The following ZNF567 variants were observed in gnomAD, a reference collection of about 807,000 sequenced individuals.
ZNF567 encodes the protein zinc finger protein 567.
Under a neutral mutation model 53.9 loss-of-function variants are expected in ZNF567, and 36 were observed. The ratio of observed to expected loss-of-function variants is 0.67; its 90% CI spans 0.51 to 0.88. ZNF567 has a LOEUF of 0.88. Among genes scored for constraint, ZNF567 ranks in the 40% least tolerant of loss-of-function variants. The pLI is 0.00. For missense variants in ZNF567, 619 were observed against 764.7 expected (o/e 0.81, Z 2.25); for synonymous variants, 224 against 260.4 (o/e 0.86, Z 1.35).
intron 3 of ZNF567, 23 bp from the exon 4 acceptor site, chr19:36,712,363 G>T: frequency 6.2e-7 from 1 of 1,609,190 alleles, no homozygotes; most frequent in South Asian, 1.1e-5. Flanking sequence ...CACCTGTTCT[G>T]ATTACAGTTC....
intron 5 of ZNF567, among the ~76,000 whole-genome samples, chr19:36,715,506 AATAATTATTATTATTATT>A (rs60780261): frequency 3.5e-3 from 92 of 25,946 alleles, no homozygotes; most frequent in African/African-American, 0.015. Flanking sequence ...TAATAATAAT[AATAATTATTATTATTATT>A]ATTATTATTA....
chr19:36,691,209 G>A (rs986766458), intron 2 of ZNF567, among the ~76,000 whole-genome samples: 2 of 151,826 alleles, frequency 1.3e-5, no homozygotes, highest in Non-Finnish European at 2.9e-5. Context: ...CCAGGCTGGA[G>A]TGCAGTGGCT....
chr19:36,716,355 C>T (rs2040065865), intron 5 of ZNF567, among the ~76,000 whole-genome samples: 1 of 152,186 alleles, frequency 6.6e-6, no homozygotes, highest in Non-Finnish European at 1.5e-5. Context: ...GTGAAATCTT[C>T]CTTGATTACT....
At chr19:36,696,404 C>T (rs747501007) in intron 3 of ZNF567, among the ~76,000 whole-genome samples, 1 of 152,136 alleles carries the variant, frequency 6.6e-6, no homozygotes, top group Non-Finnish European at 1.5e-5. Context: ...GATGTATTGT[C>T]GAAACTATAT....
At chr19:36,726,312 A>T (rs543344575), downstream of ZNF567, among the ~76,000 whole-genome samples, 52 of 152,292 alleles carry the variant, frequency 3.4e-4, no homozygotes, top group Non-Finnish European at 6.2e-4. Context: ...TCCTGGTTAC[A>T]ATTATTGAAT....
intron 3 of ZNF567, among the ~76,000 whole-genome samples, chr19:36,700,872 A>C (rs1160349211): frequency 6.6e-6 from 1 of 152,088 alleles, no homozygotes; most frequent in African/African-American, 2.4e-5. Flanking sequence ...TCAAAAAACC[A>C]GCTCCTGGAT....
At chr19:36,702,831 T>G (rs200306737) in intron 3 of ZNF567, among the ~76,000 whole-genome samples, 288 of 130,732 alleles carry the variant, frequency 2.2e-3, no homozygotes, top group Middle Eastern at 9.0e-3. Context: ...TTCATCTAAA[T>G]TTTTTTCAAA....
intron 3 of ZNF567, among the ~76,000 whole-genome samples, chr19:36,711,078 G>GTC (rs2039760175): frequency 6.6e-6 from 1 of 151,818 alleles, no homozygotes; most frequent in Admixed American, 6.6e-5. Flanking sequence ...CTTTTTGTGT[G>GTC]TGTGTGTGTG....
chr19:36,667,598 A>AAAC, the ZNF567 span, among the ~76,000 whole-genome samples: 100,001 of 150,012 alleles, frequency 0.67, 33,626 homozygotes, highest in East Asian at 0.82. Flanking sequence ...AAGAAAAAAC[A>AAAC]AACAACAACA....
upstream of ZNF567, chr19:36,686,281 T>C (rs901704747): frequency 1.3e-5 from 2 of 152,190 alleles, no homozygotes; most frequent in African/African-American, 4.8e-5. Context: ...ATGGTTCCCT[T>C]TCCTCAGGGC....
At chr19:36,705,377 A>G (rs568251751) in intron 3 of ZNF567, among the ~76,000 whole-genome samples, 2 of 152,246 alleles carry the variant, frequency 1.3e-5, no homozygotes, top group East Asian at 1.9e-4. Flanking sequence ...AAGTTTTGAC[A>G]TGTTGCATTT....
At chr19:36,677,637 C>T in the ZNF567 span, among the ~76,000 whole-genome samples, 10 of 148,582 alleles carry the variant, frequency 6.7e-5, no homozygotes, top group East Asian at 4.1e-4. Context: ...CATGGTGGTG[C>T]GCGCCTGTAG....
the ZNF567 span, among the ~76,000 whole-genome samples, chr19:36,678,040 T>C: frequency 6.6e-6 from 1 of 152,178 alleles, no homozygotes; most frequent in African/African-American, 2.4e-5. Context: ...TTTTCCTATA[T>C]ACAGGACCTT....
chr19:36,684,510 A>C (rs1396381255), upstream of ZNF567, among the ~76,000 whole-genome samples: 1 of 152,154 alleles, frequency 6.6e-6, no homozygotes, highest in Non-Finnish European at 1.5e-5. Flanking sequence ...ATTCCAGAGC[A>C]CTAATTCAAA....
rs558220201 is a variant in ZNF567, at chr19:36,700,708, G to A, written c.9+5832G>A. On this transcript the variant is annotated intron_variant, in intron 3 of 5. Transcript: ENST00000682579. ...CTTCTAGATTTTCTAGTTTATTTGC[G>A]TAGAGGTGTTTGTAGTATCCTCTGA... 5.3e-4 allele frequency among the ~76,000 whole-genome samples: 80 copies of A among 152,264 alleles called. No homozygotes were observed. In the South Asian group the frequency reaches 1.0e-2, roughly 19 times the overall value.
Position 36,720,136 on chromosome 19 carries a change from A to G in ZNF567, c.1412A>G (p.His471Arg), listed in dbSNP as rs2040246423. 7 of 1,614,122 alleles carry G rather than the reference A, an allele frequency of 4.3e-6. No individual in the cohort carries two copies. The highest frequency in any genetic ancestry group is 5.9e-6 in the Non-Finnish European group (7 of 1,180,024). ...KTTLVAHQRT[H>R]TGEKSYECPH... ...ACCCTTGTAGCACATCAGAGAACAC[A>G]TACAGGGGAGAAATCTTATGAATGT... Residue 471 changes from histidine to arginine, a missense_variant, in exon 6 of 6, where the codon CAT becomes CGT. By Grantham distance (29) the His-to-Arg change is conservative (BLOSUM62 0). Transcript: ENST00000682579.
the ZNF567 span, among the ~76,000 whole-genome samples, chr19:36,673,898 G>T: frequency 6.6e-6 from 1 of 152,156 alleles, no homozygotes; most frequent in Non-Finnish European, 1.5e-5. Context: ...GAGTTCCTAA[G>T]AGAAGGAACT....
the ZNF567 span, among the ~76,000 whole-genome samples, chr19:36,675,023 G>A: frequency 6.6e-6 from 1 of 152,132 alleles, no homozygotes; most frequent in Non-Finnish European, 1.5e-5. Flanking sequence ...AAAGTGGAGG[G>A]ATTATAGGCG....
intron 3 of ZNF567, among the ~76,000 whole-genome samples, chr19:36,698,910 A>G (rs2039032308): frequency 6.6e-6 from 1 of 152,224 alleles, no homozygotes; most frequent in South Asian, 2.1e-4. Context: ...TGCTATGCAG[A>G]AGCTCTTTAG....
Sources: gnomAD v4.1 joint callset for allele counts (sites outside exome capture counted in the v4.1 genomes callset) on GRCh38, gnomAD v4.1.1 for gene constraint, MANE v1.5 for transcripts, NCBI Gene and HGNC (gene_info 2026-07-23, HGNC 2026-07-21) for gene names.